EFCAB7: variants seen among roughly 807,000 people sequenced by gnomAD.
EFCAB7 encodes EF-hand calcium-binding domain-containing protein 7.
A neutral mutation model predicts 77.1 loss-of-function variants in EFCAB7; 66 were observed. The ratio of observed to expected loss-of-function variants is 0.86; its 90% confidence interval spans 0.70 to 1.05. The LOEUF (loss-of-function observed/expected upper bound fraction) is 1.05, where lower values mean the gene tolerates loss of function less well. Among genes scored for constraint, EFCAB7 ranks in the 50% least tolerant of loss-of-function variants. The pLI is 0.00. For missense variants in EFCAB7, 638 were observed against 730.5 expected, an observed-to-expected ratio of 0.87 and a Z score of 1.46; for synonymous variants, 225 against 243.3, an observed-to-expected ratio of 0.92 and a Z score of 0.70.
At chr1:63,573,467 G>A (rs1009764290), downstream of EFCAB7, among the ~76,000 whole-genome samples, 1 of 152,210 alleles carries the variant, frequency 6.6e-6, no homozygotes, top group Non-Finnish European at 1.5e-5. Flanking sequence ...GAGTGCCCAA[G>A]GAGGTTCAGC....
chr1:63,562,320 A>T (rs1647111373), intron 11 of EFCAB7, among the ~76,000 whole-genome samples: 1 of 151,204 alleles, frequency 6.6e-6, no homozygotes, highest in Non-Finnish European at 1.5e-5. Context: ...TGGCTCATAC[A>T]AAGCATTGTG....
intron 10 of EFCAB7, among the ~76,000 whole-genome samples, chr1:63,560,190 G>A (rs1445813408): frequency 5.3e-5 from 8 of 152,070 alleles, no homozygotes; most frequent in Non-Finnish European, 8.8e-5. Flanking sequence ...CTGACCTCAT[G>A]ATCTGCCCGC....
intron 2 of EFCAB7, among the ~76,000 whole-genome samples, chr1:63,530,227 C>T (rs1646671364): frequency 6.6e-6 from 1 of 152,044 alleles, no homozygotes; most frequent in Non-Finnish European, 1.5e-5. Context: ...ACTTACTGGT[C>T]CTTATTACAT....
chr1:63,580,575 T>C, the EFCAB7 span, among the ~76,000 whole-genome samples: 1 of 152,320 alleles, frequency 6.6e-6, no homozygotes, highest in South Asian at 2.1e-4. Context: ...TCCCTTTTCA[T>C]ATAAATTTTA....
chr1:63,565,998 G>A (rs775052330), intron 11 of EFCAB7, among the ~76,000 whole-genome samples: 37 of 152,142 alleles, frequency 2.4e-4, no homozygotes, highest in Non-Finnish European at 4.7e-4. Context: ...CCTATTACTG[G>A]ATATACACCT....
the EFCAB7 span, among the ~76,000 whole-genome samples, chr1:63,582,868 G>C: frequency 6.6e-6 from 1 of 152,174 alleles, no homozygotes. Flanking sequence ...GCCTCCCAAA[G>C]TGCTGGGATT....
chr1:63,566,911 AT>A (rs1238181436), intron 11 of EFCAB7, among the ~76,000 whole-genome samples: 3 of 150,142 alleles, frequency 2.0e-5, no homozygotes, highest in East Asian at 1.9e-4. Flanking sequence ...TTATTAAAAT[AT>A]TTTTTAAAAC....
chr1:63,534,769 G>A (rs888139445), intron 6 of EFCAB7, among the ~76,000 whole-genome samples: 1 of 151,992 alleles, frequency 6.6e-6, no homozygotes, highest in African/African-American at 2.4e-5. Context: ...GGGAAAAAAT[G>A]GTTATGACCA....
rs1647295618 is a variant in EFCAB7 at position 63,572,539 on chromosome 1, AAACT to A, written c.*26_*29del. The A allele has an allele frequency of 7.2e-7, 1 of 1,394,348 alleles. No individual in the cohort carries two copies. Among genetic ancestry groups the A allele is most frequent in the Admixed American group, 2.5e-5 (1 of 40,034 alleles). 86.4% of individuals were successfully genotyped at this position (1,394,348 alleles called of 1,614,324 possible). A position where few individuals can be genotyped will look rare whatever the true frequency, so the allele number is the denominator to read the frequency against. On this transcript the variant is annotated 3_prime_UTR_variant, in exon 14 of 14. Transcript: ENST00000371088. ...TAAATAATTATACTTAGAACTTACC[AAACT>A]AAGAATTATTTCAGATTTAGTCTGT...
At chr1:63,565,498 C>T (rs1456154030) in intron 11 of EFCAB7, among the ~76,000 whole-genome samples, 1 of 152,014 alleles carries the variant, frequency 6.6e-6, no homozygotes, top group African/African-American at 2.4e-5. Context: ...GGTGAAGATG[C>T]CACAAGCAAT....
At position 63,532,655 on chromosome 1, in the gene EFCAB7, G is replaced by GTTTT; in HGVS notation, c.400-7_400-4dup. The stretch of plus-strand genomic sequence containing the variant: ...ATCATGTTGCTTTAAAATAAATCTT[G>GTTTT]TTTTTTTTTTTCAGAGAGGTGAGAA... On this transcript the variant is annotated splice_polypyrimidine_tract_variant and intron_variant, in intron 3 of 13. Coordinates refer to ENST00000371088, the MANE Select transcript of EFCAB7 (RefSeq NM_032437.4). The GTTTT allele has an allele frequency of 2.5e-6, 3 of 1,208,986 alleles. No homozygotes were observed. Among genetic ancestry groups the GTTTT allele is most frequent in the South Asian group, 3.1e-5 (2 of 65,222 alleles). The allele number at this position is 1,208,986 out of a possible 1,614,324, so 74.9% of individuals were successfully genotyped here.
In EFCAB7 at chr1:63,525,755, C is replaced by T. The variant is rs912214401; in HGVS notation, c.183C>T (p.Tyr61=). The T allele has an allele frequency of 6.4e-6, 10 of 1,557,834 alleles. No homozygotes were observed. The Admixed American group carries it at 1.6e-4, about 25-fold the overall frequency. ...ACATTATTTCTAAAGATCAACTTTA[C>T]TTAGGTAAATTTTTAAAATTTTTAA... ...LENIISKDQL[Y]LALQHAGRNP... The change falls in exon 2 of 14, where the codon TAC becomes TAT. Residue 61 remains tyrosine, a synonymous_variant. Transcript: ENST00000371088.
chr1:63,561,101 A>G (rs1647094957), intron 10 of EFCAB7, among the ~76,000 whole-genome samples: 2 of 152,236 alleles, frequency 1.3e-5, no homozygotes, highest in Non-Finnish European at 2.9e-5. Flanking sequence ...TTGCTCATAA[A>G]TAGTGTTAAA....
chr1:63,572,574 A>G lies in EFCAB7; in HGVS notation c.*58A>G, dbSNP rs1438197075. The G allele has an allele frequency of 1.5e-6, 2 of 1,299,744 alleles. No individual in the cohort carries two copies. Among genetic ancestry groups the G allele is most frequent in the Non-Finnish European group, 2.1e-6 (2 of 973,382 alleles). 80.5% of individuals were successfully genotyped at this position (1,299,744 alleles called of 1,614,324 possible). A position where few individuals can be genotyped will look rare whatever the true frequency, so the allele number is the denominator to read the frequency against. On this transcript the variant is annotated 3_prime_UTR_variant, in exon 14 of 14. Transcript: ENST00000371088. ...TTATTTCAGATTTAGTCTGTTATTT[A>G]TTAAACAACTAAATGCTACTTAACT...
Position 63,571,044 on chromosome 1 carries a change from C to T in EFCAB7, c.1731C>T (p.His577=), listed in dbSNP as rs779930426. The change falls in exon 13 of 14, where the codon CAC becomes CAT. Residue 577 remains histidine, a synonymous_variant. Coordinates refer to ENST00000371088, the MANE Select transcript of EFCAB7 (RefSeq NM_032437.4). Reference sequence around the variant, plus strand: ...AGTCAGATGAGAAAGTGATTATTCACATCAGCAATGAGCTAAGTAAAAACT... The same window carrying T: ...AGTCAGATGAGAAAGTGATTATTCATATCAGCAATGAGCTAAGTAAAAACT... ...ENKSDEKVII[H]ISNELSKNCI... 3 of 1,610,202 alleles carry T rather than the reference C, an allele frequency of 1.9e-6. No homozygotes were observed. Among genetic ancestry groups the T allele is most frequent in the Non-Finnish European group, 2.5e-6 (3 of 1,178,484 alleles).
intron 11 of EFCAB7, among the ~76,000 whole-genome samples, chr1:63,562,484 TATATATATA>T (rs1647118995): frequency 1.1e-5 from 1 of 94,450 alleles, no homozygotes; most frequent in Non-Finnish European, 2.0e-5. Flanking sequence ...TATATATATA[TATATATATA>T]TAAAACTTTT....
intron 2 of EFCAB7, among the ~76,000 whole-genome samples, chr1:63,526,567 T>C (rs1375119266): frequency 6.6e-6 from 1 of 152,208 alleles, no homozygotes; most frequent in Non-Finnish European, 1.5e-5. Flanking sequence ...ATACAAGAAT[T>C]GACAAGATTA....
intron 6 of EFCAB7, among the ~76,000 whole-genome samples, chr1:63,538,614 G>A (rs1254567141): frequency 1.3e-5 from 2 of 151,916 alleles, no homozygotes; most frequent in Non-Finnish European, 2.9e-5. Context: ...CCACCACGCT[G>A]GCTAATTTTT....
At chr1:63,572,371 TC>T (rs1487252740) in intron 13 of EFCAB7, 70 bp from the exon 14 acceptor site, 2 of 1,243,312 alleles carry the variant, frequency 1.6e-6, no homozygotes, top group Admixed American at 2.3e-5. Flanking sequence ...AGAAATGTTG[TC>T]CTGTTTAAAA....
Sources: gnomAD v4.1 joint callset for allele counts (sites outside exome capture counted in the v4.1 genomes callset) on GRCh38, gnomAD v4.1.1 for gene constraint, MANE v1.5 for transcripts, NCBI Gene and HGNC (gene_info 2026-07-23, HGNC 2026-07-21) for gene names.